ARHGAP11A: variants seen among roughly 807,000 people sequenced by gnomAD.
The protein encoded by ARHGAP11A is Rho GTPase activating protein 11A, also known as rho GTPase-activating protein 11A.
In ARHGAP11A, 36 loss-of-function variants were observed where a neutral mutation model predicts 60.5. The observed-to-expected ratio is 0.59, with a 90% CI of 0.46 to 0.79. ARHGAP11A has a LOEUF of 0.79. Ranked by LOEUF, ARHGAP11A falls within the 30% of genes least tolerant of loss-of-function variation. ARHGAP11A has a pLI of 0.00. For synonymous variants in ARHGAP11A, 362 were observed against 415.5 expected (o/e 0.87, Z 1.57); for missense variants, 1,071 against 1,199.2 (o/e 0.89, Z 1.58).
intron 7 of ARHGAP11A, 84 bp downstream of exon 7, chr15:32,628,886 T>C (rs920358503): frequency 2.2e-5 from 23 of 1,022,782 alleles, no homozygotes; most frequent in Non-Finnish European, 2.7e-6. Flanking sequence ...ATTACCTAAC[T>C]TAGTAATCAA....
At position 32,638,699 on chromosome 15, in the gene ARHGAP11A, A is replaced by G. The variant is rs1567063118; in HGVS notation, c.*854A>G. The G allele has an allele frequency of 6.6e-6, 1 of 152,666 alleles. No homozygotes were observed. The highest frequency in any genetic ancestry group is 1.5e-5 in the Non-Finnish European group (1 of 68,042). 9.5% of individuals were successfully genotyped at this position (152,666 alleles called of 1,614,324 possible). A position where few individuals can be genotyped will look rare whatever the true frequency, so the allele number is the denominator to read the frequency against. Reference sequence around the variant, plus strand: ...GTAGGTGTACCTTGTGTTCACTCGAACTAAGAACAATGGTTAAGGCAGAAT... The same window carrying G: ...GTAGGTGTACCTTGTGTTCACTCGAGCTAAGAACAATGGTTAAGGCAGAAT... On this transcript the variant is annotated 3_prime_UTR_variant, in exon 12 of 12. Transcript: ENST00000361627.
chr15:32,633,897 A>G, intron 9 of ARHGAP11A, 36 bp from the exon 10 acceptor site: 2 of 1,351,072 alleles, frequency 1.5e-6, no homozygotes, highest in Non-Finnish European at 2.1e-6. Flanking sequence ...TGGTGTTTAT[A>G]CTATAAACTG....
intron 4 of ARHGAP11A, among the ~76,000 whole-genome samples, chr15:32,624,871 G>A (rs2053422091): frequency 6.6e-6 from 1 of 151,590 alleles, no homozygotes; most frequent in Admixed American, 6.6e-5. Flanking sequence ...TCTAAGATTA[G>A]CATGGTTTTT....
chr15:32,634,062 T>C, intron 10 of ARHGAP11A, 21 bp downstream of exon 10: 1 of 1,509,920 alleles, frequency 6.6e-7, no homozygotes, highest in Non-Finnish European at 9.1e-7. Context: ...TACCATTTTA[T>C]TGATCTTTAT....
rs776308657 is a variant in ARHGAP11A, at chr15:32,623,512, C to T, written c.221C>T (p.Thr74Ile). Residue 74 changes from threonine (T) to isoleucine (I), a missense_variant, in exon 3 of 12, where the codon ACA becomes ATA. Thr to Ile is a moderately conservative substitution (Grantham distance 89, BLOSUM62 -1). Coordinates refer to ENST00000361627, the MANE Select transcript of ARHGAP11A (RefSeq NM_014783.6). ...HIPSFLVDAC[T>I]SLEDHIHTEG... ...TTCAGCTTTCTTGTCGATGCTTGCA[C>T]ATCTTTAGAAGACCATATTCATACC... 20 of 1,613,032 alleles carry T rather than the reference C, an allele frequency of 1.2e-5. No homozygotes were observed. In the Admixed American group the frequency reaches 2.2e-4, roughly 18 times the overall value.
Position 32,637,216 on chromosome 15 carries a change from A to G in ARHGAP11A, c.2443A>G (p.Asn815Asp), listed in dbSNP as rs754846733. 1.9e-6 allele frequency: 3 copies of G among 1,614,152 alleles called. No homozygotes were observed. The highest frequency in any genetic ancestry group is 1.3e-5 in the African/African-American group (1 of 74,958). ...RKVSDHIQWFNKLSLNEPNRI... is the reference protein window; with the variant it reads ...RKVSDHIQWFDKLSLNEPNRI... ...GGTTTCTGATCACATACAGTGGTTTAACAAGCTTTCTTTAAATGAACCAAA... is the reference window on the plus strand; with the variant it reads ...GGTTTCTGATCACATACAGTGGTTTGACAAGCTTTCTTTAAATGAACCAAA... The change falls in exon 12 of 12, where the codon AAC (asparagine) becomes GAC (aspartate). Residue 815 changes from asparagine to aspartate, a missense_variant. Physicochemically the swap from Asn to Asp is conservative, Grantham distance 23 (BLOSUM62 1). Coordinates refer to ENST00000361627, the MANE Select transcript of ARHGAP11A (RefSeq NM_014783.6).
In ARHGAP11A at chr15:32,636,871, G is replaced by A. The variant is rs1354460160; in HGVS notation, c.2098G>A (p.Glu700Lys). The change falls in exon 12 of 12, where the codon GAA becomes AAA. Residue 700 changes from glutamate to lysine, a missense_variant. By Grantham distance (56) the Glu-to-Lys change is moderately conservative. This residue lies in a region of ARHGAP11A where 776 missense variants were observed against 760.2 expected (regional missense o/e 1.02). Transcript: ENST00000361627. Reference sequence around the variant, plus strand: ...TTCAACTCAGATGAAGATGGAACATGAAAAAGACATTCATTCAAATATGCC... The same window carrying A: ...TTCAACTCAGATGAAGATGGAACATAAAAAAGACATTCATTCAAATATGCC... Reference protein sequence around the residue: ...CYSTQMKMEHEKDIHSNMPKD... With the variant: ...CYSTQMKMEHKKDIHSNMPKD... 6.2e-7 allele frequency: 1 copy of A among 1,612,728 alleles called. No homozygotes were observed. The highest frequency in any genetic ancestry group is 8.5e-7 in the Non-Finnish European group (1 of 1,179,684).
intron 6 of ARHGAP11A, among the ~76,000 whole-genome samples, chr15:32,626,266 C>G (rs4779581): frequency 0.78 from 116,835 of 149,290 alleles, 45,930 homozygotes; most frequent in African/African-American, 0.83. Flanking sequence ...GTCCAGGCAT[C>G]AGATTATTGT....
intron 6 of ARHGAP11A, among the ~76,000 whole-genome samples, chr15:32,628,271 A>C (rs2053511862): frequency 6.6e-6 from 1 of 152,232 alleles, no homozygotes; most frequent in Non-Finnish European, 1.5e-5. Flanking sequence ...GAGCAACTTT[A>C]GTCAAACTAT....
intron 7 of ARHGAP11A, 78 bp downstream of exon 7, chr15:32,628,880 C>T (rs541034603): frequency 1.2e-5 from 13 of 1,061,620 alleles, no homozygotes; most frequent in Non-Finnish European, 1.7e-5. Flanking sequence ...ATAATAATTA[C>T]CTAACTTAGT....
At chr15:32,622,429 G>GA (rs56163024) in intron 2 of ARHGAP11A, among the ~76,000 whole-genome samples, 54 of 142,232 alleles carry the variant, frequency 3.8e-4, no homozygotes, top group African/African-American at 1.2e-3. Flanking sequence ...AAAACTAAAA[G>GA]AAAAAAAAAA....
At chr15:32,626,386 TG>T (rs1376961754) in intron 6 of ARHGAP11A, among the ~76,000 whole-genome samples, 1 of 152,170 alleles carries the variant, frequency 6.6e-6, no homozygotes. Flanking sequence ...ATGGTAGAGT[TG>T]GTAATAAAAC....
rs773894672 is a variant in ARHGAP11A at position 32,620,137 on chromosome 15, A to T, written c.159A>T (p.Ala53=). 6.2e-7 allele frequency: 1 copy of T among 1,612,180 alleles called. No homozygotes were observed. The highest frequency in any genetic ancestry group is 8.5e-7 in the Non-Finnish European group (1 of 1,179,114). The part of the protein sequence containing the change: ...GGKIFGVPFN[A]LPHSAVPEYG... Reference sequence around the variant, plus strand: ...AAATATTTGGAGTACCTTTTAATGCACTGCCCCATTCTGCTGTACCAGAAT... The same window carrying T: ...AAATATTTGGAGTACCTTTTAATGCTCTGCCCCATTCTGCTGTACCAGAAT... The change falls in exon 2 of 12, where the codon GCA becomes GCT. Residue 53 remains alanine, a synonymous_variant. Transcript: ENST00000361627.
Position 32,633,924 on chromosome 15 carries a change from T to C in ARHGAP11A, c.1236-9T>C. 1.3e-6 allele frequency: 2 copies of C among 1,563,948 alleles called. No homozygotes were observed. Reference sequence around the variant, plus strand: ...TATAAACTGACATTTTTAATTCCACTTCTTCTAGAGTGGAATCAGGAAAAG... The same window carrying C: ...TATAAACTGACATTTTTAATTCCACCTCTTCTAGAGTGGAATCAGGAAAAG... On this transcript the variant is annotated splice_polypyrimidine_tract_variant and intron_variant, in intron 9 of 11. Coordinates refer to ENST00000361627, the MANE Select transcript of ARHGAP11A (RefSeq NM_014783.6).
At position 32,637,897 on chromosome 15, in the gene ARHGAP11A, G is replaced by A; in HGVS notation, c.*52G>A. 1 of 1,408,452 alleles carries A rather than the reference G, an allele frequency of 7.1e-7. No individual in the cohort carries two copies. The highest frequency in any genetic ancestry group is 9.6e-7 in the Non-Finnish European group (1 of 1,042,814). 87.2% of individuals were successfully genotyped at this position (1,408,452 alleles called of 1,614,324 possible). ...TGTAAATAAAGTGAGTAATTGGTATGACTTGCAGGATGATGTACATGTTAG... is the reference window on the plus strand; with the variant it reads ...TGTAAATAAAGTGAGTAATTGGTATAACTTGCAGGATGATGTACATGTTAG... On this transcript the variant is annotated 3_prime_UTR_variant, in exon 12 of 12. Coordinates refer to ENST00000361627, the MANE Select transcript of ARHGAP11A (RefSeq NM_014783.6).
At chr15:32,634,071 A>G in intron 10 of ARHGAP11A, 30 bp downstream of exon 10, 2 of 1,455,410 alleles carry the variant, frequency 1.4e-6, no homozygotes, top group South Asian at 2.5e-5. Flanking sequence ...ATTGATCTTT[A>G]TATTAGCATA....
chr15:32,618,758 A>ACCCCCCCCCCCCC (rs57091917), intron 1 of ARHGAP11A, among the ~76,000 whole-genome samples: 117 of 117,484 alleles, frequency 1.0e-3, no homozygotes, highest in South Asian at 1.6e-3. Flanking sequence ...ACACGGTGAA[A>ACCCCCCCCCCCCC]CCCCCCCCCC....
intron 6 of ARHGAP11A, among the ~76,000 whole-genome samples, chr15:32,626,343 G>A (rs932585529): frequency 3.9e-4 from 59 of 152,220 alleles, no homozygotes; most frequent in African/African-American, 1.3e-3. Context: ...TATTATCAAG[G>A]AAGAATCAGA....
intron 1 of ARHGAP11A, among the ~76,000 whole-genome samples, chr15:32,618,554 A>G (rs1024760711): frequency 6.6e-6 from 1 of 152,228 alleles, no homozygotes; most frequent in Admixed American, 6.5e-5. Context: ...CTACACCTCT[A>G]TGACTTAGGA....
Sources: gnomAD v4.1 joint callset for allele counts (sites outside exome capture counted in the v4.1 genomes callset) on GRCh38, gnomAD v4.1.1 for gene constraint, gnomAD v4.1.1 regional missense constraint, MANE v1.5 for transcripts, NCBI Gene and HGNC (gene_info 2026-07-23, HGNC 2026-07-21) for gene names.